Variants in MSI2 observed in about 807,000 individuals in gnomAD.
The protein encoded by MSI2 is musashi RNA binding protein 2, also known as RNA-binding protein Musashi homolog 2.
MSI2 carries 17 observed loss-of-function variants against 45.6 expected under a neutral mutation model. The ratio of observed to expected loss-of-function variants is 0.37; its 90% CI spans 0.26 to 0.56. The LOEUF (loss-of-function observed/expected upper bound fraction) is 0.56, where lower values mean the gene tolerates loss of function less well. Among genes scored for constraint, MSI2 ranks in the 20% least tolerant of loss-of-function variants. The pLI is 0.77. For synonymous variants in MSI2, 156 were observed against 158.2 expected, an observed-to-expected ratio of 0.99 and a Z score of 0.11; for missense variants, 293 against 444.2, an observed-to-expected ratio of 0.66 and a Z score of 3.06.
At chr17:57,567,266 A>G (rs556450679) in intron 7 of MSI2, among the ~76,000 whole-genome samples, 1 of 152,294 alleles carries the variant, frequency 6.6e-6, no homozygotes, top group East Asian at 1.9e-4. Context: ...ATAAGTGGGG[A>G]AAATGGCTTG....
At chr17:57,673,119 C>G (rs1912938792) in intron 11 of MSI2, among the ~76,000 whole-genome samples, 1 of 152,246 alleles carries the variant, frequency 6.6e-6, no homozygotes, top group Non-Finnish European at 1.5e-5. Flanking sequence ...TCTGCTGAGT[C>G]AGGAGCCAGG....
At chr17:57,672,424 T>A (rs1912864337) in intron 11 of MSI2, among the ~76,000 whole-genome samples, 1 of 152,204 alleles carries the variant, frequency 6.6e-6, no homozygotes, top group Non-Finnish European at 1.5e-5. Context: ...TATCTAAGCC[T>A]GCAGAAGGGG....
In MSI2 at chr17:57,529,598, C is replaced by G; in HGVS notation, c.406-78C>G. 1.6e-5 allele frequency: 21 copies of G among 1,325,756 alleles called. No individual in the cohort carries two copies. Among genetic ancestry groups the G allele is most frequent in the South Asian group, 1.1e-4 (9 of 82,030 alleles). 82.1% of individuals were successfully genotyped at this position (1,325,756 alleles called of 1,614,324 possible). Reference sequence around the variant, plus strand: ...TTCTGTAATGGAAACTACCCCCTCACCCCCCGACATGCATATAATGTTTTG... The same window carrying G: ...TTCTGTAATGGAAACTACCCCCTCAGCCCCCGACATGCATATAATGTTTTG... On this transcript the variant is annotated intron_variant, in intron 6 of 13. Coordinates refer to ENST00000284073, the MANE Select transcript of MSI2 (RefSeq NM_138962.4). This position sits in a 1 kb window ranked among gnomAD's most constrained non-coding sequence, Gnocchi z 5.3.
chr17:57,277,640 A>G (rs759821161), intron 5 of MSI2, among the ~76,000 whole-genome samples: 20 of 152,224 alleles, frequency 1.3e-4, no homozygotes, highest in Non-Finnish European at 2.5e-4. Flanking sequence ...TCTTTCTGGC[A>G]TAATAGTTTC....
chr17:57,680,838 C>T lies in MSI2; in HGVS notation c.*1321C>T, dbSNP rs1913553059. The T allele has an allele frequency of 1.4e-5, 3 of 207,172 alleles. No individual in the cohort carries two copies. The East Asian group carries it at 2.2e-4, about 15-fold the overall frequency. 12.8% of individuals were successfully genotyped at this position (207,172 alleles called of 1,614,324 possible). ...ATTTTCTATTGTCCAATCATTTCAG[C>T]ACCTCCAAAGGTCCCTAGGACACTT... On this transcript the variant is annotated 3_prime_UTR_variant, in exon 14 of 14. Coordinates refer to ENST00000284073, the MANE Select transcript of MSI2 (RefSeq NM_138962.4).
chr17:57,419,529 A>ATTTTTTT (rs36114353), intron 6 of MSI2, among the ~76,000 whole-genome samples: 1 of 145,572 alleles, frequency 6.9e-6, no homozygotes, highest in Non-Finnish European at 1.5e-5. Context: ...TGCCTGGCTA[A>ATTTTTTT]TTTTTTTTTT....
chr17:57,640,893 A>G (rs1910196371), intron 10 of MSI2, among the ~76,000 whole-genome samples: 1 of 152,188 alleles, frequency 6.6e-6, no homozygotes, highest in Non-Finnish European at 1.5e-5. Flanking sequence ...TTTTCTCATC[A>G]TCAAAACCAA....
intron 5 of MSI2, among the ~76,000 whole-genome samples, chr17:57,368,309 A>G (rs2083370274): frequency 6.6e-6 from 1 of 152,158 alleles, no homozygotes; most frequent in African/African-American, 2.4e-5. Context: ...GGCTCCCAGC[A>G]CTTTGGGAGG....
chr17:57,513,728 A>G lies in MSI2; in HGVS notation c.406-15948A>G, dbSNP rs971869310. 2.6e-5 allele frequency among the ~76,000 whole-genome samples: 4 copies of G among 152,308 alleles called. No homozygotes were observed. In the East Asian group the frequency reaches 7.7e-4, roughly 29 times the overall value. ...TCCCGGGCTCTCAAACCCTCTGGCC[A>G]GCTCCTTGTGCTTCTCCTGTGGTGA... On this transcript the variant is annotated intron_variant, in intron 6 of 13. Coordinates refer to ENST00000284073, the MANE Select transcript of MSI2 (RefSeq NM_138962.4).
chr17:57,455,473 A>G (rs2085095775), intron 6 of MSI2, among the ~76,000 whole-genome samples: 1 of 152,194 alleles, frequency 6.6e-6, no homozygotes, highest in African/African-American at 2.4e-5. Flanking sequence ...AAGGGGGGCC[A>G]GCTCTCAGCC....
chr17:57,521,832 G>A (rs760032414), intron 6 of MSI2, among the ~76,000 whole-genome samples: 9 of 152,086 alleles, frequency 5.9e-5, no homozygotes, highest in African/African-American at 9.7e-5. Context: ...GAGCAGTCAC[G>A]GCTGAAAAAT....
intron 7 of MSI2, among the ~76,000 whole-genome samples, chr17:57,530,453 A>T (rs1365828421): frequency 1.3e-5 from 2 of 152,344 alleles, no homozygotes; most frequent in East Asian, 3.9e-4. Context: ...TTATTGCTTT[A>T]AACAGAAAAA....
chr17:57,485,279 T>A (rs1007652844), intron 6 of MSI2, among the ~76,000 whole-genome samples: 2 of 152,250 alleles, frequency 1.3e-5, no homozygotes, highest in Admixed American at 6.5e-5. Context: ...GAACAGGGAC[T>A]CTGCCCTCAG....
intron 7 of MSI2, among the ~76,000 whole-genome samples, chr17:57,549,380 G>GCAA (rs1029689620): frequency 6.7e-6 from 1 of 149,446 alleles, no homozygotes; most frequent in African/African-American, 2.5e-5. Flanking sequence ...CTGCTGTCCG[G>GCAA]CAACTAAAGT....
intron 8 of MSI2, 70 bp downstream of exon 8, chr17:57,597,020 T>TG: frequency 8.7e-7 from 1 of 1,153,590 alleles, no homozygotes; most frequent in Non-Finnish European, 1.3e-6. Context: ...TCTTGCAGAC[T>TG]GGTCCAGCCC....
At chr17:57,494,911 A>G (rs2085945306) in intron 6 of MSI2, among the ~76,000 whole-genome samples, 1 of 152,184 alleles carries the variant, frequency 6.6e-6, no homozygotes, top group Admixed American at 6.5e-5. Flanking sequence ...TATAGGATAA[A>G]CAGCAAAAAT....
At chr17:57,286,466 T>A (rs1909885410) in intron 5 of MSI2, among the ~76,000 whole-genome samples, 1 of 152,152 alleles carries the variant, frequency 6.6e-6, no homozygotes, top group Admixed American at 6.5e-5. Flanking sequence ...GGCTTCCCCC[T>A]CCTGCTGAGA....
chr17:57,451,896 C>G (rs2085026246), intron 6 of MSI2, among the ~76,000 whole-genome samples: 1 of 152,140 alleles, frequency 6.6e-6, no homozygotes, highest in Non-Finnish European at 1.5e-5. Flanking sequence ...AATCTGTCAC[C>G]CTCATCAGCT....
chr17:57,488,232 C>T (rs1286399626), intron 6 of MSI2, among the ~76,000 whole-genome samples: 2 of 152,182 alleles, frequency 1.3e-5, no homozygotes, highest in African/African-American at 4.8e-5. Flanking sequence ...CATCAGCTCC[C>T]TTCTCCTCGT....
Sources: gnomAD v4.1 joint callset for allele counts (sites outside exome capture counted in the v4.1 genomes callset) on GRCh38, gnomAD v4.1.1 for gene constraint, Gnocchi (gnomAD v3.1) non-coding constraint, MANE v1.5 for transcripts, NCBI Gene and HGNC (gene_info 2026-07-23, HGNC 2026-07-21) for gene names.